The following WWOX variants were observed in gnomAD, a reference collection of about 807,000 sequenced individuals.
WWOX encodes WW domain containing oxidoreductase, also known as WW domain-containing oxidoreductase.
In WWOX, 69 loss-of-function variants were observed where a neutral mutation model predicts 46.2. That is an observed-to-expected ratio of 1.49 (90% confidence interval 1.23 to 1.82). The LOEUF (loss-of-function observed/expected upper bound fraction) is 1.82, where lower values mean the gene tolerates loss of function less well. WWOX is among the 40% of genes most tolerant of loss of function. The pLI is 0.00. For missense variants in WWOX, 919 were observed against 542.6 expected, an observed-to-expected ratio of 1.69 and a Z score of -6.89; for synonymous variants, 359 against 202.6, an observed-to-expected ratio of 1.77 and a Z score of -6.56.
At chr16:78,863,737 T>C (rs2043943139) in intron 8 of WWOX, among the ~76,000 whole-genome samples, 1 of 152,218 alleles carries the variant, frequency 6.6e-6, no homozygotes, top group African/African-American at 2.4e-5. Flanking sequence ...AATAAATTAA[T>C]GGGTGGTCAC....
intron 8 of WWOX, among the ~76,000 whole-genome samples, chr16:78,471,784 T>C (rs1357294064): frequency 6.6e-6 from 1 of 152,230 alleles, no homozygotes; most frequent in Non-Finnish European, 1.5e-5. Flanking sequence ...ATAATAACGA[T>C]GATTTTTCCA....
intron 8 of WWOX, among the ~76,000 whole-genome samples, chr16:79,078,929 A>C (rs948108650): frequency 1.3e-5 from 2 of 152,324 alleles, no homozygotes; most frequent in Middle Eastern, 6.8e-3. Flanking sequence ...GGCCTCTCCC[A>C]ACCAGAGATC....
Position 78,341,499 on chromosome 16 carries a change from T to C in WWOX, c.517-45361T>C, listed in dbSNP as rs1362212999. On this transcript the variant is annotated intron_variant, in intron 5 of 8. Transcript: ENST00000566780. ...TCTTAGACGTGAGTATTATGTTTTA[T>C]TTTGCTGGGAGAACAATTTGGGAAA... Among the ~76,000 whole-genome samples the C allele has an allele frequency of 4.1e-5, 5 of 120,920 alleles. 2 individuals are homozygous for C. Among genetic ancestry groups the C allele is most frequent in the African/African-American group, 1.4e-4 (5 of 35,648 alleles). The allele number at this position is 120,920 out of a possible 152,430, so 79.3% of individuals were successfully genotyped here.
chr16:78,863,171 T>G (rs1313282182), intron 8 of WWOX, among the ~76,000 whole-genome samples: 1 of 152,138 alleles, frequency 6.6e-6, no homozygotes, highest in African/African-American at 2.4e-5. Context: ...TTGGCCAGAC[T>G]GGTCTCAAAC....
chr16:78,470,165 C>G (rs1465870559), intron 8 of WWOX, among the ~76,000 whole-genome samples: 1 of 152,226 alleles, frequency 6.6e-6, no homozygotes, highest in Non-Finnish European at 1.5e-5. Context: ...GCTTCCAGCA[C>G]TGCCCTGCTG....
In WWOX at chr16:78,508,310, C is replaced by CTTTTTTTTTTTTTTTTT. The variant is rs60281450; in HGVS notation, c.1056+75572_1056+75588dup. On this transcript the variant is annotated intron_variant, in intron 8 of 8. Transcript: ENST00000566780. ...ATAGGCGTGAGCCACTGCGCCCGGC[C>CTTTTTTTTTTTTTTTTT]TTTTTTTTTTTTTTTTTTTTTTTTT... Among the ~76,000 whole-genome samples, 4 of 112,770 alleles carry CTTTTTTTTTTTTTTTTT rather than the reference C, an allele frequency of 3.5e-5. 1 individual carries two copies. Among genetic ancestry groups the CTTTTTTTTTTTTTTTTT allele is most frequent in the African/African-American group, 1.7e-4 (4 of 23,414 alleles). 74.0% of individuals were successfully genotyped at this position (112,770 alleles called of 152,430 possible). A position where few individuals can be genotyped will look rare whatever the true frequency, so the allele number is the denominator to read the frequency against.
intron 8 of WWOX, among the ~76,000 whole-genome samples, chr16:78,894,020 T>TTTACTATTATTATTATTA (rs1555561418): frequency 1.6e-4 from 23 of 140,078 alleles, no homozygotes; most frequent in Admixed American, 6.6e-4. Context: ...TATTGAGGCT[T>TTTACTATTATTATTATTA]TTATTATTAT....
chr16:78,288,562 G>A (rs890581458), intron 5 of WWOX, among the ~76,000 whole-genome samples: 6 of 152,150 alleles, frequency 3.9e-5, no homozygotes, highest in African/African-American at 1.4e-4. Flanking sequence ...CCTTAGTCCT[G>A]TGTGCTTCCC....
chr16:79,198,396 C>A (rs1490569053), intron 8 of WWOX, among the ~76,000 whole-genome samples: 2 of 152,016 alleles, frequency 1.3e-5, no homozygotes, highest in Non-Finnish European at 2.9e-5. Flanking sequence ...GAAAATAAAT[C>A]CTCCCGCTTT....
At chr16:78,938,941 C>T (rs1184162661) in intron 8 of WWOX, among the ~76,000 whole-genome samples, 1 of 152,108 alleles carries the variant, frequency 6.6e-6, no homozygotes, top group African/African-American at 2.4e-5. Flanking sequence ...CTTAGCACAA[C>T]TGAAAAATAC....
chr16:78,697,325 TATTATTTTTTGC>T (rs2048121462), intron 8 of WWOX, among the ~76,000 whole-genome samples: 1 of 152,210 alleles, frequency 6.6e-6, no homozygotes, highest in Admixed American at 6.5e-5. Context: ...CGCCAATATC[TATTATTTTTTGC>T]ATTTTTGGTA....
At chr16:79,054,460 A>AT (rs982968394) in intron 8 of WWOX, among the ~76,000 whole-genome samples, 3 of 152,190 alleles carry the variant, frequency 2.0e-5, no homozygotes, top group African/African-American at 7.2e-5. Context: ...TCTTTCCAAA[A>AT]TGCGCGTGTT....
intron 8 of WWOX, among the ~76,000 whole-genome samples, chr16:78,540,663 G>C (rs1027604908): frequency 5.3e-5 from 8 of 151,752 alleles, no homozygotes; most frequent in African/African-American, 1.9e-4. Context: ...ATTTCTATAG[G>C]CTCCTGCAAA....
intron 8 of WWOX, among the ~76,000 whole-genome samples, chr16:78,919,846 G>T (rs950087185): frequency 1.3e-5 from 2 of 152,058 alleles, no homozygotes; most frequent in African/African-American, 4.8e-5. Context: ...TGGGGATCCT[G>T]GAGACACAGT....
At chr16:78,327,471 A>G (rs1426408543) in intron 5 of WWOX, among the ~76,000 whole-genome samples, 1 of 152,154 alleles carries the variant, frequency 6.6e-6, no homozygotes, top group Non-Finnish European at 1.5e-5. Context: ...GGCAGGACAC[A>G]GAAGGCTTCT....
At chr16:78,520,020 A>G (rs989938778) in intron 8 of WWOX, among the ~76,000 whole-genome samples, 3 of 152,208 alleles carry the variant, frequency 2.0e-5, no homozygotes, top group Admixed American at 2.0e-4. Flanking sequence ...CTGAGAACAT[A>G]CTGTGACCAT....
chr16:79,182,977 G>C (rs548731742), intron 8 of WWOX, among the ~76,000 whole-genome samples: 1 of 152,332 alleles, frequency 6.6e-6, no homozygotes, highest in East Asian at 1.9e-4. Context: ...GTAAAGACAT[G>C]TACTAGGCGG....
At chr16:79,039,765 G>C (rs192875652) in intron 8 of WWOX, among the ~76,000 whole-genome samples, 114 of 152,288 alleles carry the variant, frequency 7.5e-4, no homozygotes, top group South Asian at 2.1e-3. Flanking sequence ...TCTGACTTCA[G>C]TTTTCTCACC....
intron 8 of WWOX, among the ~76,000 whole-genome samples, chr16:78,489,885 G>T (rs1006509035): frequency 6.6e-6 from 1 of 152,126 alleles, no homozygotes; most frequent in Non-Finnish European, 1.5e-5. Flanking sequence ...GGAGGAGGAG[G>T]GGTCTGACAG....
Sources: gnomAD v4.1 joint callset for allele counts (sites outside exome capture counted in the v4.1 genomes callset) on GRCh38, gnomAD v4.1.1 for gene constraint, MANE v1.5 for transcripts, NCBI Gene and HGNC (gene_info 2026-07-23, HGNC 2026-07-21) for gene names.